Variants in AZIN2 observed in about 807,000 individuals in gnomAD.
AZIN2 encodes the protein antizyme inhibitor 2, also known as ODC antizyme inhibitor-2.
Under a neutral mutation model 47.8 loss-of-function variants are expected in AZIN2, and 28 were observed. That is an observed-to-expected ratio of 0.59 (90% CI 0.43 to 0.80). The LOEUF is 0.80. Among genes scored for constraint, AZIN2 ranks in the 30% least tolerant of loss-of-function variants. AZIN2 has a pLI of 0.00. For missense variants in AZIN2, 535 were observed against 582.5 expected (o/e 0.92, Z 0.84); for synonymous variants, 221 against 239.4 (o/e 0.92, Z 0.71).
At chr1:33,141,015 A>G in the AZIN2 span, among the ~76,000 whole-genome samples, 1 of 152,154 alleles carries the variant, frequency 6.6e-6, no homozygotes, top group Non-Finnish European at 1.5e-5. Context: ...TGTGCCCTGC[A>G]GGCTGCTGTC....
the AZIN2 span, among the ~76,000 whole-genome samples, chr1:33,160,528 C>T: frequency 6.6e-6 from 1 of 152,070 alleles, no homozygotes; most frequent in South Asian, 2.1e-4. Context: ...CCTCAGCCTC[C>T]CTAGTAGCTG....
At chr1:33,150,282 G>T in the AZIN2 span, among the ~76,000 whole-genome samples, 6 of 151,976 alleles carry the variant, frequency 3.9e-5, no homozygotes, top group Admixed American at 3.9e-4. Flanking sequence ...GTTATGCTTG[G>T]CTGGAGCATT....
chr1:33,100,918 G>T (rs376956539), intron 10 of AZIN2, among the ~76,000 whole-genome samples: 8 of 152,002 alleles, frequency 5.3e-5, no homozygotes, highest in African/African-American at 1.9e-4. Context: ...CTAGAGTTCA[G>T]TGGTGTGATC....
chr1:33,121,091 G>A lies in AZIN2; in HGVS notation c.*909G>A, dbSNP rs1644785113. Among the ~76,000 whole-genome samples, 1 of 152,166 alleles carries A rather than the reference G, an allele frequency of 6.6e-6. No individual in the cohort carries two copies. The highest frequency in any genetic ancestry group is 6.5e-5 in the Admixed American group (1 of 15,288). ...CCCTGAGACTGGCAGTGCTTATCAGGACAAAGGCTCCTTCACACTGCCGGG... is the reference window on the plus strand; with the variant it reads ...CCCTGAGACTGGCAGTGCTTATCAGAACAAAGGCTCCTTCACACTGCCGGG... On this transcript the variant is annotated 3_prime_UTR_variant, in exon 12 of 12. Transcript: ENST00000294517.
chr1:33,145,695 T>A, the AZIN2 span: 2 of 345,494 alleles, frequency 5.8e-6, no homozygotes, highest in Non-Finnish European at 1.2e-5. Context: ...ACATTTAGGC[T>A]CAGTCTTGCA....
chr1:33,155,814 TG>T, the AZIN2 span, among the ~76,000 whole-genome samples: 33 of 152,294 alleles, frequency 2.2e-4, no homozygotes, highest in Admixed American at 9.2e-4. Context: ...AATCTGCCCT[TG>T]GGGGGGATCT....
intron 10 of AZIN2, among the ~76,000 whole-genome samples, chr1:33,116,180 A>T (rs987501354): frequency 1.3e-5 from 2 of 152,170 alleles, no homozygotes; most frequent in African/African-American, 4.8e-5. Context: ...CAGCCTGGCA[A>T]TTAGTAGGTG....
At chr1:33,151,242 G>A in the AZIN2 span, among the ~76,000 whole-genome samples, 1 of 152,140 alleles carries the variant, frequency 6.6e-6, no homozygotes, top group Non-Finnish European at 1.5e-5. Flanking sequence ...TGTGCTGCTT[G>A]AAGCCCAGGG....
At chr1:33,131,621 GAAAT>G in the AZIN2 span, among the ~76,000 whole-genome samples, 352 of 151,908 alleles carry the variant, frequency 2.3e-3, no homozygotes, top group African/African-American at 7.8e-3. Context: ...ATGTTTAAAA[GAAAT>G]AAAATAAATA....
chr1:33,087,580 G>A (rs544152714), intron 5 of AZIN2, among the ~76,000 whole-genome samples: 2 of 151,950 alleles, frequency 1.3e-5, no homozygotes, highest in Admixed American at 6.5e-5. Flanking sequence ...GGGATTACAG[G>A]TGCCTACCAC....
At chr1:33,159,918 A>G in the AZIN2 span, 2 of 1,606,316 alleles carry the variant, frequency 1.2e-6, no homozygotes, top group Non-Finnish European at 8.5e-7. This position sits in a 1 kb window ranked among gnomAD's most constrained non-coding sequence, Gnocchi z 4.2. Flanking sequence ...CCTCGCCGAT[A>G]GTGGTCCGCA....
intron 10 of AZIN2, among the ~76,000 whole-genome samples, chr1:33,116,729 A>G (rs568785422): frequency 6.6e-6 from 1 of 152,330 alleles, no homozygotes; most frequent in East Asian, 1.9e-4. Context: ...AGCTTGAGGG[A>G]GCATGGAGCT....
downstream of AZIN2, among the ~76,000 whole-genome samples, chr1:33,123,776 A>G (rs1644835897): frequency 6.6e-6 from 1 of 152,228 alleles, no homozygotes; most frequent in Non-Finnish European, 1.5e-5. Flanking sequence ...AGGCAGGCGG[A>G]TCACGAGGTC....
the AZIN2 span, among the ~76,000 whole-genome samples, chr1:33,134,181 C>T: frequency 2.0e-5 from 3 of 152,246 alleles, no homozygotes; most frequent in Non-Finnish European, 4.4e-5. Context: ...CCACCTGGCA[C>T]GTGGCAGTCC....
chr1:33,135,954 T>TG, the AZIN2 span, among the ~76,000 whole-genome samples: 1 of 130,842 alleles, frequency 7.6e-6, no homozygotes, highest in Non-Finnish European at 1.6e-5. Context: ...ACCCTGCCGG[T>TG]AATGTATTTC....
intron 11 of AZIN2, chr1:33,118,354 T>G: frequency 2.4e-6 from 1 of 414,650 alleles, no homozygotes; most frequent in Non-Finnish European, 4.2e-6. Context: ...CTTGTGATAA[T>G]ACTGTGCCTG....
chr1:33,086,228 TA>T (rs1052374748), intron 5 of AZIN2, among the ~76,000 whole-genome samples: 3 of 152,206 alleles, frequency 2.0e-5, no homozygotes, highest in African/African-American at 4.8e-5. Context: ...CTATTTTTTT[TA>T]ATGGGGATTC....
At chr1:33,093,177 G>T (rs1343789809) in intron 6 of AZIN2, 105 bp from the exon 7 acceptor site, 4 of 1,493,366 alleles carry the variant, frequency 2.7e-6, no homozygotes, top group Non-Finnish European at 2.7e-6. Flanking sequence ...AGCCTGTGGG[G>T]TTGGGTGGCT....
At chr1:33,129,896 G>A in the AZIN2 span, among the ~76,000 whole-genome samples, 1 of 152,158 alleles carries the variant, frequency 6.6e-6, no homozygotes, top group African/African-American at 2.4e-5. The surrounding 1 kb of genome is among the most constrained non-coding windows in gnomAD (Gnocchi z 4.1). Flanking sequence ...TTTTGCTTTT[G>A]TTGGTCAGGC....
Sources: gnomAD v4.1 joint callset for allele counts (sites outside exome capture counted in the v4.1 genomes callset) on GRCh38, gnomAD v4.1.1 for gene constraint, Gnocchi (gnomAD v3.1) non-coding constraint, MANE v1.5 for transcripts, NCBI Gene and HGNC (gene_info 2026-07-23, HGNC 2026-07-21) for gene names.